KCNN2: variants seen among roughly 807,000 people sequenced by gnomAD.
KCNN2 encodes potassium calcium-activated channel subfamily N member 2, also known as small conductance calcium-activated potassium channel protein 2.
KCNN2 carries 24 observed loss-of-function variants against 55.5 expected under a neutral mutation model. The ratio of observed to expected loss-of-function variants is 0.43; its 90% confidence interval spans 0.31 to 0.61. KCNN2 has a LOEUF of 0.61. KCNN2 is among the 20% of genes least tolerant of loss of function. The pLI, the probability that KCNN2 is intolerant of heterozygous loss-of-function variation, is 0.08. For synonymous variants in KCNN2, 431 were observed against 336.1 expected (o/e 1.28, Z -3.09); for missense variants, 754 against 853.6 (o/e 0.88, Z 1.45).
chr5:114,399,939 T>G (rs1223304523), intron 2 of KCNN2, among the ~76,000 whole-genome samples: 2 of 151,170 alleles, frequency 1.3e-5, no homozygotes, highest in African/African-American at 4.8e-5. Flanking sequence ...TGTTTTTTTT[T>G]TTTGTATTTC....
At chr5:114,175,721 A>C (rs534836765) in intron 1 of KCNN2, among the ~76,000 whole-genome samples, 1 of 152,356 alleles carries the variant, frequency 6.6e-6, no homozygotes, top group Non-Finnish European at 1.5e-5. Flanking sequence ...ATGACCAAAA[A>C]TGAAATTAAA....
At position 114,430,668 on chromosome 5, in the gene KCNN2, G is replaced by T. The variant is rs530427820; in HGVS notation, c.1637+25812G>T. ...GAACAGACATCCTTGCCTTGTTCCT[G>T]ATCTTACCAGGAAAGCACCTAGTTT... On this transcript the variant is annotated intron_variant, in intron 3 of 7. Transcript: ENST00000673685. Among the ~76,000 whole-genome samples, 6 of 152,198 alleles carry T rather than the reference G, an allele frequency of 3.9e-5. No homozygotes were observed. In the South Asian group the frequency reaches 1.2e-3, roughly 32 times the overall value.
chr5:114,364,343 C>A (rs543226495), intron 2 of KCNN2, among the ~76,000 whole-genome samples: 1 of 152,106 alleles, frequency 6.6e-6, no homozygotes, highest in African/African-American at 2.4e-5. Flanking sequence ...AACTTGTGTT[C>A]TTGTTTGAGA....
intron 7 of KCNN2, 23 bp from the exon 8 acceptor site, chr5:114,495,872 T>C (rs755036141): frequency 1.2e-6 from 2 of 1,605,252 alleles, no homozygotes; most frequent in Non-Finnish European, 1.7e-6. Context: ...ATAATTAACC[T>C]TCTTCTCAAT....
At chr5:114,213,831 T>C (rs1463721253) in intron 1 of KCNN2, among the ~76,000 whole-genome samples, 9 of 152,100 alleles carry the variant, frequency 5.9e-5, no homozygotes, top group Admixed American at 5.9e-4. Flanking sequence ...GCACAAGTAG[T>C]AACCTCTACT....
At chr5:114,408,657 A>G (rs1464320979) in intron 3 of KCNN2, among the ~76,000 whole-genome samples, 2 of 152,194 alleles carry the variant, frequency 1.3e-5, no homozygotes. Context: ...CAATGTAACA[A>G]TGAGGGAAAT....
chr5:114,295,594 C>A (rs1302794979), intron 2 of KCNN2, among the ~76,000 whole-genome samples: 2 of 152,158 alleles, frequency 1.3e-5, no homozygotes, highest in Non-Finnish European at 2.9e-5. Context: ...TTTCCAGGTG[C>A]CATCTGTCAC....
intron 2 of KCNN2, among the ~76,000 whole-genome samples, chr5:114,223,392 C>T (rs1754182318): frequency 6.6e-6 from 1 of 152,082 alleles, no homozygotes; most frequent in Non-Finnish European, 1.5e-5. Context: ...GAGATTATGA[C>T]CAAGAAGGAG....
chr5:114,177,223 C>G (rs1292887151), intron 1 of KCNN2, among the ~76,000 whole-genome samples: 1 of 151,058 alleles, frequency 6.6e-6, no homozygotes, highest in Non-Finnish European at 1.5e-5. Context: ...CTGCAAGCTC[C>G]GCCTCCCGGG....
chr5:114,237,207 A>C (rs1754516044), intron 2 of KCNN2, among the ~76,000 whole-genome samples: 1 of 151,470 alleles, frequency 6.6e-6, no homozygotes, highest in Non-Finnish European at 1.5e-5. Context: ...ACTCTCTCTC[A>C]AAAACTTCAC....
intron 1 of KCNN2, among the ~76,000 whole-genome samples, chr5:114,201,251 C>A (rs1160928836): frequency 6.6e-6 from 1 of 151,928 alleles, no homozygotes; most frequent in African/African-American, 2.4e-5. Context: ...GGCTTGGTCT[C>A]CTTTATCCCT....
At position 114,153,121 on chromosome 5, in the gene KCNN2, C is replaced by A. The variant is rs533281568; in HGVS notation, c.-270-68359C>A. Among the ~76,000 whole-genome samples the A allele has an allele frequency of 2.6e-5, 4 of 152,242 alleles. No individual in the cohort carries two copies. In the East Asian group the frequency reaches 7.7e-4, roughly 29 times the overall value. ...TGGTATCATTCCGTGAAACTGAAAA[C>A]GTTGGGGCTTTGAGACATCCATGTG... On this transcript the variant is annotated intron_variant, in intron 1 of 10. Transcript: ENST00000512097.
chr5:114,304,875 T>G (rs1756236471), intron 2 of KCNN2, among the ~76,000 whole-genome samples: 1 of 152,212 alleles, frequency 6.6e-6, no homozygotes, highest in Non-Finnish European at 1.5e-5. Flanking sequence ...TGCTTGCTTT[T>G]GAGTGTTAAG....
chr5:114,147,033 G>A (rs1161369056), intron 1 of KCNN2, among the ~76,000 whole-genome samples: 1 of 152,164 alleles, frequency 6.6e-6, no homozygotes, highest in Non-Finnish European at 1.5e-5. Flanking sequence ...AATATTAAGA[G>A]GCTGATCAAA....
chr5:114,109,917 G>T (rs889221045), intron 1 of KCNN2, among the ~76,000 whole-genome samples: 1 of 152,062 alleles, frequency 6.6e-6, no homozygotes, highest in Non-Finnish European at 1.5e-5. Context: ...AATCTCAGAT[G>T]TTGCCAATGT....
At chr5:114,241,059 G>A (rs1031989044) in intron 2 of KCNN2, among the ~76,000 whole-genome samples, 1 of 151,884 alleles carries the variant, frequency 6.6e-6, no homozygotes, top group African/African-American at 2.4e-5. Flanking sequence ...TTGTATATGT[G>A]TCTATATGTA....
intron 3 of KCNN2, among the ~76,000 whole-genome samples, chr5:114,407,517 TG>T (rs1420254939): frequency 6.6e-6 from 1 of 152,212 alleles, no homozygotes; most frequent in Admixed American, 6.5e-5. Context: ...CTTTGCATTT[TG>T]TTTCCCCAAA....
intron 1 of KCNN2, among the ~76,000 whole-genome samples, chr5:114,157,396 A>T (rs1752658896): frequency 6.6e-6 from 1 of 152,020 alleles, no homozygotes; most frequent in African/African-American, 2.4e-5. Flanking sequence ...TTCTTAATCC[A>T]GTCTATCATT....
chr5:114,472,708 C>CATT (rs1761806428), intron 4 of KCNN2, among the ~76,000 whole-genome samples: 1 of 152,178 alleles, frequency 6.6e-6, no homozygotes, highest in African/African-American at 2.4e-5. Context: ...CTAATCTACT[C>CATT]ATTTGTTATT....
Sources: allele counts gnomAD v4.1 joint callset (sites outside exome capture counted in the v4.1 genomes callset), GRCh38; gene constraint gnomAD v4.1.1; transcripts MANE v1.5; gene names NCBI Gene and HGNC (gene_info 2026-07-23, HGNC 2026-07-21).